Variants in CEP57L1 observed in about 807,000 individuals in gnomAD.
CEP57L1 encodes centrosomal protein 57 like 1.
CEP57L1 carries 37 observed loss-of-function variants against 61.0 expected under a neutral mutation model. The observed-to-expected ratio is 0.61, with a 90% confidence interval of 0.47 to 0.80. The LOEUF is 0.80. Among genes scored for constraint, CEP57L1 ranks in the 30% least tolerant of loss-of-function variants. CEP57L1 has a pLI of 0.00. For missense variants in CEP57L1, 422 were observed against 524.7 expected (o/e 0.80, Z 1.91); for synonymous variants, 137 against 162.3 (o/e 0.84, Z 1.19).
At chr6:109,105,969 T>C (rs1388937024) in intron 1 of CEP57L1, 3 of 152,228 alleles carry the variant, frequency 2.0e-5, no homozygotes, top group Non-Finnish European at 4.4e-5. Flanking sequence ...GTGAGAGATC[T>C]AGGTTGCACA....
At chr6:109,102,830 TGA>T (rs1770485971) in intron 1 of CEP57L1, among the ~76,000 whole-genome samples, 1 of 152,260 alleles carries the variant, frequency 6.6e-6, no homozygotes, top group South Asian at 2.1e-4. Context: ...AACTGTTCCT[TGA>T]GAGAGAGACC....
intron 1 of CEP57L1, among the ~76,000 whole-genome samples, chr6:109,113,727 A>G (rs1001442131): frequency 6.6e-6 from 1 of 152,164 alleles, no homozygotes; most frequent in Non-Finnish European, 1.5e-5. Context: ...AGTAGTAAAT[A>G]TTTATTAAAT....
At chr6:109,096,807 T>A (rs1055761535) in intron 1 of CEP57L1, among the ~76,000 whole-genome samples, 1 of 152,228 alleles carries the variant, frequency 6.6e-6, no homozygotes, top group African/African-American at 2.4e-5. Context: ...TTTTGGGATC[T>A]TCATTCTCTA....
chr6:109,099,892 A>C (rs1390659272), intron 1 of CEP57L1, among the ~76,000 whole-genome samples: 1 of 152,196 alleles, frequency 6.6e-6, no homozygotes, highest in Non-Finnish European at 1.5e-5. Flanking sequence ...GCGAGTATGG[A>C]TGCAGCACTC....
At chr6:109,122,125 T>C (rs1266789343) in intron 1 of CEP57L1, among the ~76,000 whole-genome samples, 1 of 152,236 alleles carries the variant, frequency 6.6e-6, no homozygotes, top group African/African-American at 2.4e-5. Flanking sequence ...TGCCAGTTAT[T>C]TGCACTACTA....
intron 1 of CEP57L1, among the ~76,000 whole-genome samples, chr6:109,115,254 A>T (rs1583422890): frequency 6.6e-6 from 1 of 151,372 alleles, no homozygotes; most frequent in Admixed American, 6.6e-5. Flanking sequence ...TTTTTTTTTT[A>T]AAGGAGAGAA....
At chr6:109,102,689 TTA>T (rs1165981570) in intron 1 of CEP57L1, among the ~76,000 whole-genome samples, 1 of 152,236 alleles carries the variant, frequency 6.6e-6, no homozygotes, top group Non-Finnish European at 1.5e-5. Flanking sequence ...GTGCCTAGAT[TTA>T]TGTTTTTATT....
intron 1 of CEP57L1, among the ~76,000 whole-genome samples, chr6:109,108,491 C>T (rs373822892): frequency 6.6e-6 from 1 of 151,934 alleles, no homozygotes; most frequent in Non-Finnish European, 1.5e-5. Context: ...GGATTACAGG[C>T]GTGTAATCCC....
intron 1 of CEP57L1, among the ~76,000 whole-genome samples, chr6:109,102,945 T>C (rs1170309999): frequency 2.0e-5 from 3 of 152,220 alleles, no homozygotes; most frequent in Admixed American, 2.0e-4. Context: ...GCATGTGCAG[T>C]TGGCTGAGTG....
chr6:109,147,061 C>T (rs1426768913), intron 3 of CEP57L1, 124 bp downstream of exon 3: 1 of 722,980 alleles, frequency 1.4e-6, no homozygotes, highest in East Asian at 3.4e-5. Context: ...AACTTCATGA[C>T]TTTGTTCTCA....
At chr6:109,095,431 C>A, upstream of CEP57L1, 1 of 985,880 alleles carries the variant, frequency 1.0e-6, no homozygotes, top group African/African-American at 1.7e-5. Flanking sequence ...TTCGCGTTGA[C>A]TTGTGGGGAA....
At chr6:109,101,588 T>C (rs1460395878) in intron 1 of CEP57L1, among the ~76,000 whole-genome samples, 1 of 152,058 alleles carries the variant, frequency 6.6e-6, no homozygotes, top group Non-Finnish European at 1.5e-5. Flanking sequence ...TTTAGCTTTG[T>C]AAGAAACTCA....
chr6:109,107,934 CTG>C (rs1425270200), intron 1 of CEP57L1, among the ~76,000 whole-genome samples: 2 of 151,618 alleles, frequency 1.3e-5, no homozygotes, highest in Non-Finnish European at 2.9e-5. Context: ...CAGAGAGACT[CTG>C]TATCAAAAAA....
At position 109,171,324 on chromosome 6, in the gene CEP57L1, C is replaced by T. The variant is rs377733605; in HGVS notation, c.*8354C>T. Among the ~76,000 whole-genome samples the T allele has an allele frequency of 6.6e-6, 1 of 151,662 alleles. No individual in the cohort carries two copies. The highest frequency in any genetic ancestry group is 2.4e-5 in the African/African-American group (1 of 41,218). On this transcript the variant is annotated 3_prime_UTR_variant, in exon 11 of 11. Transcript: ENST00000517392. ...CGCGATCTCAGCTCACTGCAACCTC[C>T]GCCTCCCAGGTTCAAGCGATTCTTC...
intron 1 of CEP57L1, among the ~76,000 whole-genome samples, chr6:109,116,158 T>C (rs1772272854): frequency 6.6e-6 from 1 of 151,472 alleles, no homozygotes. Context: ...TGTTATGTTA[T>C]GTTATGTTAT....
chr6:109,150,320 AG>A (rs1772470389), intron 4 of CEP57L1, 81 bp downstream of exon 4: 2 of 1,523,868 alleles, frequency 1.3e-6, no homozygotes, highest in Admixed American at 3.6e-5. Context: ...GAAAATTCAA[AG>A]GCAAAGGTGG....
At chr6:109,128,806 C>T (rs565679826) in intron 1 of CEP57L1, among the ~76,000 whole-genome samples, 1 of 152,286 alleles carries the variant, frequency 6.6e-6, no homozygotes, top group African/African-American at 2.4e-5. Flanking sequence ...TTTCGTGTTC[C>T]TGCTAAACCT....
intron 2 of CEP57L1, 36 bp downstream of exon 2, chr6:109,145,417 C>T (rs368046233): frequency 1.5e-5 from 21 of 1,424,688 alleles, no homozygotes; most frequent in Non-Finnish European, 2.0e-5. Context: ...ATGGTAAAAA[C>T]ATGCTATAAA....
intron 1 of CEP57L1, among the ~76,000 whole-genome samples, chr6:109,126,056 G>A (rs1187347107): frequency 6.6e-6 from 1 of 152,010 alleles, no homozygotes; most frequent in Non-Finnish European, 1.5e-5. Context: ...TAGGGAGGTA[G>A]GAAAAAGTTG....
Sources: gnomAD v4.1 joint callset for allele counts (sites outside exome capture counted in the v4.1 genomes callset) on GRCh38, gnomAD v4.1.1 for gene constraint, MANE v1.5 for transcripts, NCBI Gene and HGNC (gene_info 2026-07-23, HGNC 2026-07-21) for gene names.